The following TMEM161B variants were observed in gnomAD, a reference collection of about 807,000 sequenced individuals.
TMEM161B encodes transmembrane protein 161B.
Under a neutral mutation model 61.8 loss-of-function variants are expected in TMEM161B, and 34 were observed. The ratio of observed to expected loss-of-function variants is 0.55; its 90% CI spans 0.42 to 0.73. The LOEUF is 0.73. TMEM161B is among the 30% of genes least tolerant of loss of function. TMEM161B has a pLI of 0.00. For missense variants in TMEM161B, 456 were observed against 558.5 expected (o/e 0.82, Z 1.85); for synonymous variants, 167 against 192.8 (o/e 0.87, Z 1.11).
intron 2 of TMEM161B, among the ~76,000 whole-genome samples, chr5:88,234,820 G>A (rs752937921): frequency 6.6e-5 from 10 of 152,216 alleles, no homozygotes; most frequent in South Asian, 2.1e-4. Flanking sequence ...ATCCCAACAC[G>A]TTGGGAGGCT....
At chr5:88,186,903 AAACAAC>A (rs34811188), downstream of TMEM161B, among the ~76,000 whole-genome samples, 10 of 150,916 alleles carry the variant, frequency 6.6e-5, no homozygotes, top group Middle Eastern at 3.4e-3. Flanking sequence ...ACTCTGTCTC[AAACAAC>A]AACAACAACA....
chr5:88,259,168 T>C (rs1487075931), intron 1 of TMEM161B: 2 of 152,032 alleles, frequency 1.3e-5, no homozygotes, highest in Middle Eastern at 3.1e-3. Flanking sequence ...ATTTACAACA[T>C]CCCATCATTA....
At chr5:88,201,151 T>G (rs1310941023) in intron 9 of TMEM161B, 6 of 152,022 alleles carry the variant, frequency 3.9e-5, no homozygotes, top group African/African-American at 7.2e-5. Context: ...CTTGGAATGC[T>G]TATGAAACAG....
chr5:88,242,288 C>T (rs1385914934), intron 1 of TMEM161B, among the ~76,000 whole-genome samples: 1 of 151,656 alleles, frequency 6.6e-6, no homozygotes, highest in Non-Finnish European at 1.5e-5. Context: ...AAGATTCACT[C>T]CATCTTGACA....
intron 4 of TMEM161B, among the ~76,000 whole-genome samples, chr5:88,223,405 A>G (rs1749376777): frequency 6.6e-6 from 1 of 152,214 alleles, no homozygotes; most frequent in Admixed American, 6.5e-5. Flanking sequence ...ACTACTAAAA[A>G]TCAGGAAGAA....
chr5:88,253,009 T>C (rs538446738), intron 1 of TMEM161B, among the ~76,000 whole-genome samples: 12 of 152,276 alleles, frequency 7.9e-5, no homozygotes, highest in Non-Finnish European at 2.9e-5. Flanking sequence ...CATTAAAGCA[T>C]ATTTCATTCA....
chr5:88,235,401 C>G (rs1751672829), intron 2 of TMEM161B, among the ~76,000 whole-genome samples: 1 of 152,150 alleles, frequency 6.6e-6, no homozygotes, highest in South Asian at 2.1e-4. Flanking sequence ...ATGGTCCCCA[C>G]CCCCCTCAAA....
At chr5:88,218,474 GA>G (rs985497643) in intron 5 of TMEM161B, among the ~76,000 whole-genome samples, 1 of 152,004 alleles carries the variant, frequency 6.6e-6, no homozygotes, top group Non-Finnish European at 1.5e-5. Flanking sequence ...ATAATGCAGA[GA>G]AAAAAACAGA....
At chr5:88,190,214 A>G (rs1748653294), downstream of TMEM161B, 2 of 701,062 alleles carry the variant, frequency 2.9e-6, no homozygotes, top group East Asian at 2.7e-5. Context: ...GGGCTGCTCC[A>G]TAAGCTTGCA....
chr5:88,195,958 C>T lies in TMEM161B; in HGVS notation c.*253G>A. On this transcript the variant is annotated 3_prime_UTR_variant, in exon 12 of 12. Coordinates refer to ENST00000296595, the MANE Select transcript of TMEM161B (RefSeq NM_153354.5). Reference sequence around the variant, plus strand: ...AGAAATATTACCCTTGTAGATAGCCCTCTCATACCAGTAAATACAAAGAGT... The same window carrying T: ...AGAAATATTACCCTTGTAGATAGCCTTCTCATACCAGTAAATACAAAGAGT... The T allele has an allele frequency of 1.6e-6, 2 of 1,225,624 alleles. No homozygotes were observed. The allele number at this position is 1,225,624 out of a possible 1,614,324, so 75.9% of individuals were successfully genotyped here.
Position 88,195,770 on chromosome 5 carries a change from T to C in TMEM161B, c.*441A>G, listed in dbSNP as rs935493483. The C allele has an allele frequency of 2.0e-5, 20 of 988,584 alleles. No individual in the cohort carries two copies. The African/African-American group carries it at 2.8e-4, about 14-fold the overall frequency. The allele number at this position is 988,584 out of a possible 1,614,324, so 61.2% of individuals were successfully genotyped here. A position where few individuals can be genotyped will look rare whatever the true frequency, so the allele number is the denominator to read the frequency against. On this transcript the variant is annotated 3_prime_UTR_variant, in exon 12 of 12. Coordinates refer to ENST00000296595, the MANE Select transcript of TMEM161B (RefSeq NM_153354.5). The stretch of plus-strand genomic sequence containing the variant: ...AATAAATTACCAACAGAAGAGACTT[T>C]AGCCCCTTTCCCTCCCCTAAAGCAT...
In TMEM161B at chr5:88,213,368, T is replaced by C. The variant is rs1238804651; in HGVS notation, c.447-6188A>G. Among the ~76,000 whole-genome samples the C allele has an allele frequency of 3.9e-5, 6 of 152,230 alleles. No individual in the cohort carries two copies. In the East Asian group the frequency reaches 5.8e-4, roughly 15 times the overall value. ...AATATTTTTCATACTTTCTTAGATATGCAGTTTCCATTACTTTAATTACAG... is the reference window on the plus strand; with the variant it reads ...AATATTTTTCATACTTTCTTAGATACGCAGTTTCCATTACTTTAATTACAG... On this transcript the variant is annotated intron_variant, in intron 5 of 11. Coordinates refer to ENST00000296595, the MANE Select transcript of TMEM161B (RefSeq NM_153354.5).
intron 1 of TMEM161B, among the ~76,000 whole-genome samples, chr5:88,252,062 G>A (rs1754409796): frequency 6.6e-6 from 1 of 152,090 alleles, no homozygotes. Context: ...TAATATTTGA[G>A]CACAAAATTG....
At chr5:88,217,675 G>A (rs1401893720) in intron 5 of TMEM161B, among the ~76,000 whole-genome samples, 1 of 152,134 alleles carries the variant, frequency 6.6e-6, no homozygotes, top group Admixed American at 6.5e-5. Context: ...CACATCTGAA[G>A]CAAGTATGGA....
chr5:88,200,353 G>C (rs1473241532), intron 9 of TMEM161B: 1 of 151,962 alleles, frequency 6.6e-6, no homozygotes, highest in African/African-American at 2.4e-5. Flanking sequence ...TGAGATTTAG[G>C]AGCCATCATG....
At chr5:88,261,181 G>A (rs1561431804) in intron 1 of TMEM161B, among the ~76,000 whole-genome samples, 1 of 151,782 alleles carries the variant, frequency 6.6e-6, no homozygotes, top group African/African-American at 2.4e-5. Flanking sequence ...TTAGCACCCA[G>A]AAAAAAATGA....
At chr5:88,246,316 A>T (rs1753615593) in intron 1 of TMEM161B, among the ~76,000 whole-genome samples, 1 of 151,828 alleles carries the variant, frequency 6.6e-6, no homozygotes, top group Admixed American at 6.6e-5. Context: ...CAATACAGGA[A>T]TCTAATCTAC....
rs779116381 is a variant in TMEM161B, at chr5:88,228,434, A to G, written c.191+11T>C. The G allele has an allele frequency of 4.4e-6, 7 of 1,579,390 alleles. No homozygotes were observed. The South Asian group carries it at 5.8e-5, about 13-fold the overall frequency. Reference sequence around the variant, plus strand: ...AAATATTTATTACTTTACAAGCTCAATAAAACTTACCTATCTTTTTTGGTT... The same window carrying G: ...AAATATTTATTACTTTACAAGCTCAGTAAAACTTACCTATCTTTTTTGGTT... On this transcript the variant is annotated intron_variant, in intron 3 of 11. Transcript: ENST00000296595.
At chr5:88,196,512 C>T in intron 11 of TMEM161B, 24 bp from the exon 12 acceptor site, 2 of 1,533,840 alleles carry the variant, frequency 1.3e-6, no homozygotes, top group Non-Finnish European at 1.7e-6. Flanking sequence ...GACACAAATA[C>T]AATTTGAAGA....
Sources: gnomAD v4.1 joint callset for allele counts (sites outside exome capture counted in the v4.1 genomes callset) on GRCh38, gnomAD v4.1.1 for gene constraint, MANE v1.5 for transcripts, NCBI Gene and HGNC (gene_info 2026-07-23, HGNC 2026-07-21) for gene names.